ATG7: variants seen among roughly 807,000 people sequenced by gnomAD.
The protein encoded by ATG7 is autophagy related 7.
In ATG7, 70 loss-of-function variants were observed where a neutral mutation model predicts 82.4. The ratio of observed to expected loss-of-function variants is 0.85; its 90% CI spans 0.70 to 1.04. ATG7 has a LOEUF of 1.04. Among genes scored for constraint, ATG7 ranks in the 50% least tolerant of loss-of-function variants. The pLI is 0.00. For missense variants in ATG7, 792 were observed against 864.3 expected (o/e 0.92, Z 1.05); for synonymous variants, 287 against 313.0 (o/e 0.92, Z 0.88).
At chr3:11,538,113 G>A (rs1454883846) in intron 20 of ATG7, among the ~76,000 whole-genome samples, 3 of 151,952 alleles carry the variant, frequency 2.0e-5, no homozygotes, top group Non-Finnish European at 4.4e-5. Flanking sequence ...GTTCCTGAGG[G>A]CCACAGGGAA....
At chr3:11,343,334 CTCAG>C (rs1953972477) in intron 13 of ATG7, among the ~76,000 whole-genome samples, 1 of 152,140 alleles carries the variant, frequency 6.6e-6, no homozygotes, top group African/African-American at 2.4e-5. Flanking sequence ...CTTTTGAAAT[CTCAG>C]TCAGTTAAGT....
At chr3:11,542,556 C>T (rs745921962) in intron 20 of ATG7, among the ~76,000 whole-genome samples, 20 of 152,214 alleles carry the variant, frequency 1.3e-4, no homozygotes, top group Middle Eastern at 3.2e-3. Flanking sequence ...TCCTGTGGCC[C>T]GTGTACCTCT....
intron 19 of ATG7, among the ~76,000 whole-genome samples, chr3:11,424,394 A>G (rs775830188): frequency 6.6e-5 from 10 of 151,996 alleles, no homozygotes; most frequent in African/African-American, 9.7e-5. Flanking sequence ...TGGGAGGATC[A>G]CCTGAACCCA....
chr3:11,458,678 A>G (rs2085997555), intron 20 of ATG7, among the ~76,000 whole-genome samples: 1 of 152,198 alleles, frequency 6.6e-6, no homozygotes, highest in African/African-American at 2.4e-5. Context: ...ACTGAAGCAA[A>G]TGAGCTCTGT....
At chr3:11,328,620 AG>A (rs1291564948) in intron 9 of ATG7, among the ~76,000 whole-genome samples, 2 of 152,242 alleles carry the variant, frequency 1.3e-5, no homozygotes, top group African/African-American at 2.4e-5. Flanking sequence ...ATAAGACCAT[AG>A]TAAAATTCAT....
chr3:11,446,520 T>C (rs770427002), intron 20 of ATG7: 3 of 446,714 alleles, frequency 6.7e-6, no homozygotes, highest in Non-Finnish European at 1.3e-5. Context: ...ACTAAGAAGA[T>C]TTTCTTACAT....
At chr3:11,452,681 T>C (rs941892394) in intron 20 of ATG7, among the ~76,000 whole-genome samples, 1 of 152,136 alleles carries the variant, frequency 6.6e-6, no homozygotes, top group Non-Finnish European at 1.5e-5. Context: ...AGATCCATAA[T>C]GAAGGCCATT....
downstream of ATG7, chr3:11,558,474 G>T: frequency 5.7e-6 from 7 of 1,238,884 alleles, no homozygotes; most frequent in South Asian, 4.4e-5. Context: ...CCACCCCCAT[G>T]ATTTTTTTTT....
intron 3 of ATG7, among the ~76,000 whole-genome samples, chr3:11,286,851 C>T (rs1204658060): frequency 2.6e-5 from 4 of 151,214 alleles, no homozygotes; most frequent in Non-Finnish European, 5.9e-5. Flanking sequence ...GCTATCCTCC[C>T]GCCTCAGACC....
chr3:11,507,950 A>AT (rs1553702330), intron 20 of ATG7, among the ~76,000 whole-genome samples: 4 of 99,670 alleles, frequency 4.0e-5, no homozygotes, highest in African/African-American at 3.3e-5. Flanking sequence ...CTTGCTGGTA[A>AT]TTAAAAAAAA....
At chr3:11,411,742 T>G (rs1481728264) in intron 19 of ATG7, among the ~76,000 whole-genome samples, 1 of 151,582 alleles carries the variant, frequency 6.6e-6, no homozygotes, top group Non-Finnish European at 1.5e-5. Flanking sequence ...ATTCAGTCTA[T>G]TTTTTTTGTT....
chr3:11,540,349 C>T (rs1050888561), intron 20 of ATG7, among the ~76,000 whole-genome samples: 1 of 152,148 alleles, frequency 6.6e-6, no homozygotes, highest in African/African-American at 2.4e-5. Flanking sequence ...ATTTATTTGC[C>T]ACCTGTAGAT....
chr3:11,506,125 TC>T (rs2091692236), intron 20 of ATG7, among the ~76,000 whole-genome samples: 1 of 152,182 alleles, frequency 6.6e-6, no homozygotes, highest in Admixed American at 6.5e-5. Context: ...GTGCCTTCTT[TC>T]CCTAGTACAT....
rs61176051 is a variant in ATG7, at chr3:11,378,027, A to ATTTTTTTTTTTTTTTTTTTT, written c.1876-1927_1876-1926insTTTTTTTTTTTTTTTTTTTT. Among the ~76,000 whole-genome samples the ATTTTTTTTTTTTTTTTTTTT allele has an allele frequency of 3.5e-3, 321 of 92,686 alleles. 56 individuals are homozygous for ATTTTTTTTTTTTTTTTTTTT. The highest frequency in any genetic ancestry group is 0.012 in the Middle Eastern group (2 of 170). 60.8% of individuals were successfully genotyped at this position (92,686 alleles called of 152,430 possible). A position where few individuals can be genotyped will look rare whatever the true frequency, so the allele number is the denominator to read the frequency against. ...GCTATCTAACTTATACCAGTTACCA[A>ATTTTTTTTTTTTTTTTTTTT]TTTTTTTTTTTTTTTTTTGAGATGG... On this transcript the variant is annotated intron_variant, in intron 18 of 20. Transcript: ENST00000693202.
chr3:11,371,685 A>G (rs569553848), intron 18 of ATG7, among the ~76,000 whole-genome samples: 2 of 151,292 alleles, frequency 1.3e-5, no homozygotes, highest in East Asian at 1.9e-4. Flanking sequence ...GGCATTTGAG[A>G]ACCACTGCTT....
At chr3:11,475,780 G>T (rs150420216) in intron 20 of ATG7, among the ~76,000 whole-genome samples, 2,516 of 151,750 alleles carry the variant, frequency 0.017, 29 homozygotes, top group Middle Eastern at 0.051. Flanking sequence ...TGCAAAACCT[G>T]TTGACCCATT....
intron 18 of ATG7, among the ~76,000 whole-genome samples, chr3:11,365,232 G>GT (rs1379290942): frequency 1.3e-5 from 2 of 152,148 alleles, no homozygotes; most frequent in African/African-American, 4.8e-5. Context: ...AATGCCTGCT[G>GT]TTTCTTTACT....
intron 18 of ATG7, among the ~76,000 whole-genome samples, chr3:11,365,160 G>A (rs1007113214): frequency 3.3e-5 from 5 of 152,158 alleles, no homozygotes; most frequent in Non-Finnish European, 7.3e-5. Context: ...GTAGTTGTAT[G>A]GATTATGGAT....
intron 7 of ATG7, among the ~76,000 whole-genome samples, chr3:11,311,989 T>C (rs544986582): frequency 6.6e-6 from 1 of 150,886 alleles, no homozygotes; most frequent in South Asian, 2.1e-4. Context: ...AGACAGAAAA[T>C]AGATTAGTGG....
Sources: gnomAD v4.1 joint callset for allele counts (sites outside exome capture counted in the v4.1 genomes callset) on GRCh38, gnomAD v4.1.1 for gene constraint, MANE v1.5 for transcripts, NCBI Gene and HGNC (gene_info 2026-07-23, HGNC 2026-07-21) for gene names.